The following SMCHD1 variants were observed in gnomAD, a reference collection of about 807,000 sequenced individuals.
The protein encoded by SMCHD1 is structural maintenance of chromosomes flexible hinge domain containing 1, also known as structural maintenance of chromosomes flexible hinge domain-containing protein 1.
Under a neutral mutation model 254.7 loss-of-function variants are expected in SMCHD1, and 78 were observed. That is an observed-to-expected ratio of 0.31 (90% CI 0.26 to 0.37). SMCHD1 has a LOEUF of 0.37. Ranked by LOEUF, SMCHD1 falls within the 10% of genes least tolerant of loss-of-function variation. The pLI, the probability that SMCHD1 is intolerant of heterozygous loss-of-function variation, is 1.00. For missense variants in SMCHD1, 1,840 were observed against 2,408.1 expected, an observed-to-expected ratio of 0.76 and a Z score of 4.94; for synonymous variants, 766 against 794.9, an observed-to-expected ratio of 0.96 and a Z score of 0.61.
intron 24 of SMCHD1, among the ~76,000 whole-genome samples, chr18:2,730,151 A>G (rs1394728734): frequency 1.3e-5 from 2 of 152,042 alleles, no homozygotes; most frequent in Admixed American, 6.6e-5. Flanking sequence ...TTGTGTTTTT[A>G]CACAAAGGGA....
At chr18:2,675,386 T>TC (rs1480126206) in intron 5 of SMCHD1, among the ~76,000 whole-genome samples, 1 of 150,200 alleles carries the variant, frequency 6.7e-6, no homozygotes, top group Non-Finnish European at 1.5e-5. Flanking sequence ...TGCCTCAGCC[T>TC]CCCGAGTAGC....
At chr18:2,679,142 G>C (rs1296551071) in intron 5 of SMCHD1, among the ~76,000 whole-genome samples, 1 of 146,262 alleles carries the variant, frequency 6.8e-6, no homozygotes, top group Admixed American at 6.8e-5. Flanking sequence ...CACCGCACCC[G>C]GCCCCTTTCC....
intron 12 of SMCHD1, among the ~76,000 whole-genome samples, chr18:2,701,735 C>T (rs2074406381): frequency 6.6e-6 from 1 of 152,048 alleles, no homozygotes; most frequent in African/African-American, 2.4e-5. Flanking sequence ...TTGAGTGAAA[C>T]TAGTATACTA....
chr18:2,749,245 T>C (rs1314709664), intron 30 of SMCHD1, among the ~76,000 whole-genome samples: 4 of 152,226 alleles, frequency 2.6e-5, no homozygotes, highest in Non-Finnish European at 5.9e-5. Flanking sequence ...CATTTTTTCC[T>C]GTTCAGCTAT....
intron 1 of SMCHD1, among the ~76,000 whole-genome samples, chr18:2,660,625 C>T (rs2073222448): frequency 6.6e-6 from 1 of 151,816 alleles, no homozygotes; most frequent in East Asian, 1.9e-4. Context: ...AGGCACCAGC[C>T]GTCATGCCCG....
intron 47 of SMCHD1, among the ~76,000 whole-genome samples, chr18:2,798,732 A>G (rs10432137): frequency 0.29 from 44,262 of 152,130 alleles, 6,667 homozygotes; most frequent in East Asian, 0.51. Context: ...GAAATAGGAA[A>G]TTCACTGTAT....
chr18:2,770,390 T>C (rs888495795), intron 39 of SMCHD1, among the ~76,000 whole-genome samples: 1 of 152,210 alleles, frequency 6.6e-6, no homozygotes, highest in Admixed American at 6.5e-5. Flanking sequence ...ATAATGTTTA[T>C]ATTTAGCTCT....
At chr18:2,763,458 G>C (rs951295050) in intron 36 of SMCHD1, among the ~76,000 whole-genome samples, 179 bp from the exon 37 acceptor site, 1 of 152,122 alleles carries the variant, frequency 6.6e-6, no homozygotes, top group African/African-American at 2.4e-5. Context: ...ATGGTTTCTG[G>C]AACTATTTCT....
chr18:2,695,032 A>G (rs1279419161), intron 8 of SMCHD1, among the ~76,000 whole-genome samples: 1 of 134,350 alleles, frequency 7.4e-6, no homozygotes, highest in Non-Finnish European at 1.6e-5. Context: ...ACCTGTCGTA[A>G]TCTTCCATAC....
At chr18:2,707,050 G>A (rs1354719257) in intron 15 of SMCHD1, among the ~76,000 whole-genome samples, 2 of 152,142 alleles carry the variant, frequency 1.3e-5, no homozygotes, top group African/African-American at 4.8e-5. Context: ...CAGCATGGGG[G>A]AAACCATTCC....
At chr18:2,793,386 A>C (rs1022874245) in intron 45 of SMCHD1, among the ~76,000 whole-genome samples, 1 of 152,122 alleles carries the variant, frequency 6.6e-6, no homozygotes, top group Admixed American at 6.5e-5. Context: ...GCTTGAGGCC[A>C]GGCGCAGTGG....
chr18:2,735,629 G>T (rs755820631), intron 25 of SMCHD1, among the ~76,000 whole-genome samples: 1 of 152,186 alleles, frequency 6.6e-6, no homozygotes, highest in South Asian at 2.1e-4. Context: ...TCTGTACTAC[G>T]TTTTAAGCTG....
At chr18:2,695,390 A>G (rs954722411) in intron 8 of SMCHD1, among the ~76,000 whole-genome samples, 1 of 151,596 alleles carries the variant, frequency 6.6e-6, no homozygotes, top group Non-Finnish European at 1.5e-5. Flanking sequence ...GCTCACTGCA[A>G]CCACCACCTC....
At chr18:2,721,533 A>G (rs1232825694) in intron 19 of SMCHD1, among the ~76,000 whole-genome samples, 1 of 152,094 alleles carries the variant, frequency 6.6e-6, no homozygotes, top group Non-Finnish European at 1.5e-5. Context: ...GTTTTTGGCT[A>G]TTAGAAACCG....
chr18:2,685,101 T>TTTTA (rs2074016064), intron 5 of SMCHD1, among the ~76,000 whole-genome samples: 1 of 129,242 alleles, frequency 7.7e-6, no homozygotes, highest in Admixed American at 8.1e-5. Flanking sequence ...CTTATTTTTT[T>TTTTA]CTTTTTTTTT....
chr18:2,738,568 G>A (rs371033792), intron 26 of SMCHD1, 23 bp downstream of exon 26: 15 of 1,574,804 alleles, frequency 9.5e-6, no homozygotes, highest in South Asian at 9.3e-5. Context: ...ATTATATTTT[G>A]CAGCCTATGG....
chr18:2,707,954 T>A, intron 17 of SMCHD1, 34 bp downstream of exon 17: 1 of 1,255,354 alleles, frequency 8.0e-7, no homozygotes, highest in Non-Finnish European at 1.1e-6. Flanking sequence ...TCTTTAATAT[T>A]GTTTTTAAAA....
chr18:2,664,474 A>AATATT (rs1196535963), intron 1 of SMCHD1, among the ~76,000 whole-genome samples: 1 of 152,108 alleles, frequency 6.6e-6, no homozygotes, highest in Non-Finnish European at 1.5e-5. Flanking sequence ...CTAGGTCTTT[A>AATATT]ATATTCCACA....
intron 25 of SMCHD1, 104 bp from the exon 26 acceptor site, chr18:2,738,293 G>A (rs1000899694): frequency 9.4e-6 from 10 of 1,061,098 alleles, no homozygotes; most frequent in East Asian, 5.7e-5. Context: ...TTTTCTTGGG[G>A]GTGAAGAAGA....
Sources: allele counts gnomAD v4.1 joint callset (sites outside exome capture counted in the v4.1 genomes callset), GRCh38; gene constraint gnomAD v4.1.1; transcripts MANE v1.5; gene names NCBI Gene and HGNC (gene_info 2026-07-23, HGNC 2026-07-21).